Variants in ABCC11 observed in about 807,000 individuals in gnomAD.
The protein encoded by ABCC11 is ATP binding cassette subfamily C member 11.
In ABCC11, 135 loss-of-function variants were observed where a neutral mutation model predicts 149.3. That is an observed-to-expected ratio of 0.90 (90% CI 0.79 to 1.04). The LOEUF (loss-of-function observed/expected upper bound fraction) is 1.04, where lower values mean the gene tolerates loss of function less well. Among genes scored for constraint, ABCC11 ranks in the 50% least tolerant of loss-of-function variants. ABCC11 has a pLI of 0.00. For synonymous variants in ABCC11, 665 were observed against 671.4 expected (o/e 0.99, Z 0.15); for missense variants, 1,680 against 1,722.1 (o/e 0.98, Z 0.43).
Position 48,224,346 on chromosome 16 carries a change from C to T in ABCC11, c.479G>A (p.Arg160Lys). The change falls in exon 5 of 30, where the codon AGA (arginine) becomes AAA (lysine). Residue 160 changes from arginine to lysine, a missense_variant. Arg to Lys is a conservative substitution (Grantham distance 26). Coordinates refer to ENST00000356608, the MANE Select transcript of ABCC11 (RefSeq NM_001370497.1). ...AAGTGCATCGAAAATCAACCTTGTTCTCTGGAACCTCAGCATCACCAGAAG... is the reference window on the plus strand; with the variant it reads ...AAGTGCATCGAAAATCAACCTTGTTTTCTGGAACCTCAGCATCACCAGAAG... ...SVLLVMLRFQRTRLIFDALLG... is the reference protein window; with the variant it reads ...SVLLVMLRFQKTRLIFDALLG... 1 of 1,614,184 alleles carries T rather than the reference C, an allele frequency of 6.2e-7. No individual in the cohort carries two copies. The highest frequency in any genetic ancestry group is 1.1e-5 in the South Asian group (1 of 91,080).
At chr16:48,220,881 T>C (rs545986623) in intron 6 of ABCC11, among the ~76,000 whole-genome samples, 3 of 152,276 alleles carry the variant, frequency 2.0e-5, no homozygotes, top group East Asian at 1.9e-4. Context: ...GAATCTGAAA[T>C]GGTTTGTGTC....
intron 13 of ABCC11, among the ~76,000 whole-genome samples, chr16:48,204,206 G>T (rs7187233): frequency 0.22 from 33,517 of 152,110 alleles, 4,440 homozygotes; most frequent in African/African-American, 0.37. Flanking sequence ...AACAGATATT[G>T]CAAAATTTCT....
intron 26 of ABCC11, 55 bp from the exon 27 acceptor site, chr16:48,171,022 T>G: frequency 1.4e-6 from 2 of 1,404,280 alleles, no homozygotes; most frequent in Non-Finnish European, 1.0e-6. Flanking sequence ...CTTTGAACAC[T>G]CATTTATATG....
intron 25 of ABCC11, 85 bp downstream of exon 25, chr16:48,176,839 T>C: frequency 7.0e-7 from 1 of 1,437,414 alleles, no homozygotes; most frequent in Admixed American, 2.3e-5. Flanking sequence ...GGGGGATGAC[T>C]GAGCAAACAC....
intron 11 of ABCC11, chr16:48,210,746 A>C: frequency 1.3e-6 from 1 of 794,064 alleles, no homozygotes; most frequent in Non-Finnish European, 1.9e-6. Flanking sequence ...AGCCAAAAAA[A>C]TTTTAAATGA....
At chr16:48,205,237 G>A (rs1968328277) in intron 13 of ABCC11, among the ~76,000 whole-genome samples, 176 bp downstream of exon 13, 2 of 152,216 alleles carry the variant, frequency 1.3e-5, no homozygotes, top group Non-Finnish European at 2.9e-5. Flanking sequence ...GGCCTCAGCT[G>A]ATTCATCTGG....
Position 48,184,435 on chromosome 16 carries a change from C to T in ABCC11, c.3258+5G>A, listed in dbSNP as rs199644734. On this transcript the variant is annotated splice_donor_5th_base_variant and intron_variant, in intron 23 of 29. Transcript: ENST00000356608. ...GAGAGGGCCCACACAGAGTCACCCC[C>T]TCACCTGCAGCACGATGTTGACAGC... is the stretch of plus-strand genomic sequence containing the variant. The T allele has an allele frequency of 1.2e-6, 2 of 1,613,288 alleles. No individual in the cohort carries two copies. The highest frequency in any genetic ancestry group is 1.7e-6 in the Non-Finnish European group (2 of 1,179,526).
intron 17 of ABCC11, among the ~76,000 whole-genome samples, chr16:48,196,692 G>C (rs183656110): frequency 3.9e-5 from 6 of 152,278 alleles, no homozygotes; most frequent in Non-Finnish European, 1.5e-5. Context: ...CTGTTTCCTT[G>C]TCCGAAAAAA....
At chr16:48,222,972 C>T (rs1969846391) in intron 5 of ABCC11, 141 bp from the exon 6 acceptor site, 1 of 743,078 alleles carries the variant, frequency 1.3e-6, no homozygotes, top group East Asian at 2.7e-5. Context: ...TACAATCCTG[C>T]CCTCAAGAAG....
intron 26 of ABCC11, among the ~76,000 whole-genome samples, chr16:48,171,492 C>T (rs928706322): frequency 5.3e-5 from 8 of 152,198 alleles, no homozygotes; most frequent in Non-Finnish European, 1.0e-4. Flanking sequence ...TTGGCCTCCC[C>T]ATTATCATGC....
chr16:48,213,586 G>A, intron 9 of ABCC11, 36 bp from the exon 10 acceptor site: 5 of 1,530,432 alleles, frequency 3.3e-6, no homozygotes, highest in Admixed American at 2.0e-5. Context: ...GAGGGTCGTG[G>A]CCCTTCCTGC....
chr16:48,208,463 T>A lies in ABCC11; in HGVS notation c.1642A>T (p.Ser548Cys), dbSNP rs747860523. ...MMLGVCGNTG[S>C]GKSSLLSAIL... Reference sequence around the variant, plus strand: ...GCTGACAACAGGCTGCTCTTACCACTCCCCGTGTTGCCGCAGACCCCTAAC... The same window carrying A: ...GCTGACAACAGGCTGCTCTTACCACACCCCGTGTTGCCGCAGACCCCTAAC... Residue 548 changes from serine (S) to cysteine (C), a missense_variant, in exon 12 of 30, where the codon AGT becomes TGT. Coordinates refer to ENST00000356608, the MANE Select transcript of ABCC11 (RefSeq NM_001370497.1). 1.9e-5 allele frequency: 30 copies of A among 1,613,888 alleles called. 1 individual carries two copies. The African/African-American group carries it at 3.5e-4, about 19-fold the overall frequency.
chr16:48,199,347 G>A (rs1967726720), intron 15 of ABCC11, among the ~76,000 whole-genome samples: 1 of 151,712 alleles, frequency 6.6e-6, no homozygotes, highest in Non-Finnish European at 1.5e-5. Context: ...TAGATACATG[G>A]GTTTTTATTA....
At position 48,198,204 on chromosome 16, in the gene ABCC11, C is replaced by T. The variant is rs1002048493; in HGVS notation, c.2154G>A (p.Glu718=). The change falls in exon 16 of 30, where the codon GAG becomes GAA. Residue 718 remains glutamate, a synonymous_variant. Coordinates refer to ENST00000356608, the MANE Select transcript of ABCC11 (RefSeq NM_001370497.1). ...CATATTTCCCCTTTTTCTGCATTAACTCACTGTGAGTTCCATTTTCACAGA... is the reference window on the plus strand; with the variant it reads ...CATATTTCCCCTTTTTCTGCATTAATTCACTGTGAGTTCCATTTTCACAGA... The part of the protein sequence containing the change: ...GKICENGTHS[E]LMQKKGKYAQ... The T allele has an allele frequency of 6.2e-7, 1 of 1,614,232 alleles. No homozygotes were observed. Among genetic ancestry groups the T allele is most frequent in the Non-Finnish European group, 8.5e-7 (1 of 1,180,044 alleles).
intron 26 of ABCC11, among the ~76,000 whole-genome samples, chr16:48,172,515 C>A (rs1369177671): frequency 6.6e-6 from 1 of 151,436 alleles, no homozygotes; most frequent in Non-Finnish European, 1.5e-5. Context: ...ACAGCGTTGA[C>A]CTCTTGGGCT....
At chr16:48,192,851 C>T in intron 19 of ABCC11, 134 bp from the exon 20 acceptor site, 1 of 823,768 alleles carries the variant, frequency 1.2e-6, no homozygotes, top group Non-Finnish European at 2.0e-6. Context: ...CCTCCCTGCT[C>T]AGCGCTTGGC....
chr16:48,204,530 T>G (rs149433312), intron 13 of ABCC11, among the ~76,000 whole-genome samples: 7 of 151,806 alleles, frequency 4.6e-5, no homozygotes, highest in Admixed American at 6.6e-5. Context: ...CTTCCCGGGG[T>G]GCAAGGTTTG....
Position 48,211,214 on chromosome 16 carries a change from A to G in ABCC11, c.1357-15T>C. On this transcript the variant is annotated splice_polypyrimidine_tract_variant and intron_variant, in intron 10 of 29. Transcript: ENST00000356608. ...AGGAAAAACTTCTGTAAAGACAGAAAAAAATAGAGGGAGGAGGAATACAGT... is the reference window on the plus strand; with the variant it reads ...AGGAAAAACTTCTGTAAAGACAGAAGAAAATAGAGGGAGGAGGAATACAGT... 1 of 1,611,630 alleles carries G rather than the reference A, an allele frequency of 6.2e-7. No homozygotes were observed. The highest frequency in any genetic ancestry group is 8.5e-7 in the Non-Finnish European group (1 of 1,179,012).
In ABCC11 at chr16:48,187,310, G is replaced by A; in HGVS notation, c.2824C>T (p.Leu942=). The A allele has an allele frequency of 6.2e-7, 1 of 1,614,202 alleles. No homozygotes were observed. The highest frequency in any genetic ancestry group is 8.5e-7 in the Non-Finnish European group (1 of 1,180,036). Residue 942 remains leucine (L), a synonymous_variant, in exon 21 of 30, where the codon CTG becomes TTG. Transcript: ENST00000356608. ...GCGATCACCATTAAGGACAGGACCAGGAACTGCTCTGAAAAGATGGGCAAG... is the reference window on the plus strand; with the variant it reads ...GCGATCACCATTAAGGACAGGACCAAGAACTGCTCTGAAAAGATGGGCAAG... The part of the protein sequence containing the change: ...QLLPIFSEQF[L]VLSLMVIAVL...
Sources: gnomAD v4.1 joint callset for allele counts (sites outside exome capture counted in the v4.1 genomes callset) on GRCh38, gnomAD v4.1.1 for gene constraint, MANE v1.5 for transcripts, NCBI Gene and HGNC (gene_info 2026-07-23, HGNC 2026-07-21) for gene names.